MAGI2: variants seen among roughly 807,000 people sequenced by gnomAD.
The protein encoded by MAGI2 is membrane associated guanylate kinase, WW and PDZ domain containing 2.
MAGI2 carries 35 observed loss-of-function variants against 133.3 expected under a neutral mutation model. The observed-to-expected ratio is 0.26, with a 90% CI of 0.20 to 0.35. The LOEUF (loss-of-function observed/expected upper bound fraction) is 0.35, where lower values mean the gene tolerates loss of function less well. Among genes scored for constraint, MAGI2 ranks in the 10% least tolerant of loss-of-function variants. The pLI, the probability that MAGI2 is intolerant of heterozygous loss-of-function variation, is 1.00. For missense variants in MAGI2, 1,636 were observed against 1,863.4 expected (o/e 0.88, Z 2.25); for synonymous variants, 729 against 710.6 (o/e 1.03, Z -0.41).
chr7:78,288,725 C>T (rs1796401645), intron 9 of MAGI2, among the ~76,000 whole-genome samples: 1 of 152,204 alleles, frequency 6.6e-6, no homozygotes, highest in South Asian at 2.1e-4. Flanking sequence ...GCACCTCGTG[C>T]AGCCGGGTGC....
chr7:78,876,544 G>A lies in MAGI2; in HGVS notation c.418+130546C>T, dbSNP rs138910032. On this transcript the variant is annotated intron_variant, in intron 2 of 21. Transcript: ENST00000354212. ...AAAGCAGGAGAAAATAAAGAGAATC[G>A]TGACCAAGTTATATTGTAACCACCA... 6.2e-4 allele frequency among the ~76,000 whole-genome samples: 95 copies of A among 152,018 alleles called. No individual in the cohort carries two copies. In the East Asian group the frequency reaches 0.016, roughly 26 times the overall value.
intron 2 of MAGI2, among the ~76,000 whole-genome samples, chr7:78,958,535 G>GA (rs1367093357): frequency 1.3e-5 from 2 of 152,102 alleles, no homozygotes; most frequent in African/African-American, 4.8e-5. Context: ...CATTATACCA[G>GA]ATTCCCATGG....
At chr7:79,373,171 T>C (rs896719599) in intron 1 of MAGI2, among the ~76,000 whole-genome samples, 1 of 152,046 alleles carries the variant, frequency 6.6e-6, no homozygotes, top group African/African-American at 2.4e-5. Context: ...ATTACATTTG[T>C]TTTTCTTTTT....
At chr7:78,287,896 A>ATTCCATTTTCACAAT (rs1796310102) in intron 9 of MAGI2, among the ~76,000 whole-genome samples, 1 of 152,200 alleles carries the variant, frequency 6.6e-6, no homozygotes, top group Non-Finnish European at 1.5e-5. Context: ...TCAGTTACCT[A>ATTCCATTTTCACAAT]TTCCATTTTC....
chr7:78,255,892 A>G (rs1463271180), intron 10 of MAGI2, 51 bp downstream of exon 10: 1 of 1,531,870 alleles, frequency 6.5e-7, no homozygotes, highest in Non-Finnish European at 9.0e-7. Context: ...TTATTAAATG[A>G]TCCTACTATT....
intron 7 of MAGI2, among the ~76,000 whole-genome samples, chr7:78,349,531 GTGCAGCCACC>G (rs1791274077): frequency 6.6e-6 from 1 of 152,138 alleles, no homozygotes; most frequent in Non-Finnish European, 1.5e-5. Flanking sequence ...AAAAGTTAAT[GTGCAGCCACC>G]TGCTTTATGG....
intron 1 of MAGI2, among the ~76,000 whole-genome samples, chr7:79,403,272 G>A (rs1441922151): frequency 1.3e-5 from 2 of 152,042 alleles, no homozygotes; most frequent in Admixed American, 6.6e-5. Context: ...TTCTCTCTAT[G>A]TCAAGTTTAT....
chr7:78,856,832 G>T (rs1013615463), intron 2 of MAGI2, among the ~76,000 whole-genome samples: 14 of 152,066 alleles, frequency 9.2e-5, no homozygotes, highest in African/African-American at 3.1e-4. Context: ...AATCTATAAA[G>T]TACCACGGGC....
At chr7:78,689,592 T>C (rs1181493337) in intron 2 of MAGI2, among the ~76,000 whole-genome samples, 1 of 151,876 alleles carries the variant, frequency 6.6e-6, no homozygotes, top group African/African-American at 2.4e-5. Context: ...AGGCAACTAT[T>C]AATCTGCTTT....
chr7:78,524,595 G>C (rs994453834), intron 3 of MAGI2, among the ~76,000 whole-genome samples: 34 of 152,194 alleles, frequency 2.2e-4, no homozygotes, highest in Admixed American at 9.8e-4. Context: ...AGTCGGCAAA[G>C]TGGATAATAT....
At chr7:79,402,156 G>A (rs1585851076) in intron 1 of MAGI2, among the ~76,000 whole-genome samples, 1 of 151,892 alleles carries the variant, frequency 6.6e-6, no homozygotes, top group Admixed American at 6.6e-5. Flanking sequence ...AGGCTCTATA[G>A]TTCTAGGAAA....
intron 6 of MAGI2, among the ~76,000 whole-genome samples, chr7:78,460,033 C>A (rs1789795573): frequency 6.6e-6 from 1 of 152,218 alleles, no homozygotes; most frequent in Non-Finnish European, 1.5e-5. Context: ...CCCAAAGAGA[C>A]AACACAAGAC....
chr7:78,985,385 T>C (rs184737548), intron 2 of MAGI2, among the ~76,000 whole-genome samples: 1 of 152,084 alleles, frequency 6.6e-6, no homozygotes, highest in Non-Finnish European at 1.5e-5. Flanking sequence ...AATAGAATTC[T>C]CTCTTTGAGA....
chr7:78,477,053 A>G (rs1431486974), intron 6 of MAGI2, among the ~76,000 whole-genome samples: 1 of 151,958 alleles, frequency 6.6e-6, no homozygotes, highest in African/African-American at 2.4e-5. Flanking sequence ...TAAAAGCCAT[A>G]GTTAATGTTC....
Position 79,078,138 on chromosome 7 carries a change from G to A in MAGI2, c.302-70932C>T, listed in dbSNP as rs1815703645. Among the ~76,000 whole-genome samples the A allele has an allele frequency of 2.0e-5, 3 of 152,138 alleles. No individual in the cohort carries two copies. The South Asian group carries it at 6.2e-4, about 32-fold the overall frequency. ...AACATAAATCTATTCAACTTTACTT[G>A]CCCAAATAGACAGTTTAGAAAGCAA... On this transcript the variant is annotated intron_variant, in intron 1 of 21. Transcript: ENST00000354212.
At chr7:78,132,244 C>A (rs900012058) in intron 18 of MAGI2, among the ~76,000 whole-genome samples, 8 of 152,202 alleles carry the variant, frequency 5.3e-5, no homozygotes, top group African/African-American at 1.9e-4. Flanking sequence ...ATTCTCTGAG[C>A]CATGACTTTT....
intron 20 of MAGI2, among the ~76,000 whole-genome samples, chr7:78,080,074 T>C (rs1585039445): frequency 6.6e-6 from 1 of 152,228 alleles, no homozygotes; most frequent in South Asian, 2.1e-4. Flanking sequence ...AAACTCTTTA[T>C]AGCTAATCAT....
At chr7:79,010,012 A>C (rs1807880532) in intron 1 of MAGI2, among the ~76,000 whole-genome samples, 1 of 152,086 alleles carries the variant, frequency 6.6e-6, no homozygotes, top group Non-Finnish European at 1.5e-5. Context: ...TAGTTGAACA[A>C]CTGTACCTGA....
intron 3 of MAGI2, among the ~76,000 whole-genome samples, chr7:78,622,215 CT>C (rs141729124): frequency 0.01 from 1,597 of 152,120 alleles, 23 homozygotes; most frequent in African/African-American, 0.035. Context: ...CTGGGACCCC[CT>C]TTCAGTCTTA....
Sources: gnomAD v4.1 joint callset for allele counts (sites outside exome capture counted in the v4.1 genomes callset) on GRCh38, gnomAD v4.1.1 for gene constraint, MANE v1.5 for transcripts, NCBI Gene and HGNC (gene_info 2026-07-23, HGNC 2026-07-21) for gene names.